The following TMEM132B variants were observed in gnomAD, a reference collection of about 807,000 sequenced individuals.
TMEM132B encodes the protein transmembrane protein 132B.
In TMEM132B, 18 loss-of-function variants were observed where a neutral mutation model predicts 90.8. That is an observed-to-expected ratio of 0.20 (90% CI 0.14 to 0.29). The LOEUF (loss-of-function observed/expected upper bound fraction) is 0.29. Among genes scored for constraint, TMEM132B ranks in the 10% least tolerant of loss-of-function variants. The probability of loss-of-function intolerance (pLI) is 1.00; values close to 1 mark genes in which losing one functional copy is unlikely to be tolerated. For missense variants in TMEM132B, 1,096 were observed against 1,326.8 expected, an observed-to-expected ratio of 0.83 and a Z score of 2.70; for synonymous variants, 504 against 523.3, an observed-to-expected ratio of 0.96 and a Z score of 0.50.
intron 4 of TMEM132B, among the ~76,000 whole-genome samples, chr12:125,529,116 A>G (rs1883578181): frequency 6.7e-6 from 1 of 148,948 alleles, no homozygotes; most frequent in Admixed American, 6.7e-5. Flanking sequence ...ATAAAGCCTC[A>G]CTCTGTTGCC....
In TMEM132B at chr12:125,299,891, A is replaced by C. The variant is rs113105673; in HGVS notation, c.68-49561A>C. Among the ~76,000 whole-genome samples the C allele has an allele frequency of 3.6e-3, 553 of 152,254 alleles. 6 individuals carry two copies. Among genetic ancestry groups the C allele is most frequent in the African/African-American group, 0.013 (527 of 41,554 alleles). On this transcript the variant is annotated intron_variant, in intron 1 of 8. Coordinates refer to ENST00000682704, the MANE Select transcript of TMEM132B (RefSeq NM_001366854.1). ...CCACACAGAGCTTGTGGGGTTCTGT[A>C]AGTTGTCAATCAGATTATGCCATTT... is the stretch of plus-strand genomic sequence containing the variant.
At chr12:125,595,046 C>T (rs1308992552) in intron 5 of TMEM132B, among the ~76,000 whole-genome samples, 2 of 149,876 alleles carry the variant, frequency 1.3e-5, no homozygotes, top group African/African-American at 4.9e-5. Flanking sequence ...TCAGCCTTTC[C>T]TTAGAGTCAA....
At chr12:125,402,956 G>A (rs1879361012) in intron 2 of TMEM132B, among the ~76,000 whole-genome samples, 1 of 152,058 alleles carries the variant, frequency 6.6e-6, no homozygotes, top group African/African-American at 2.4e-5. Flanking sequence ...TTTCTTCACA[G>A]CAGGCTGGGA....
chr12:125,282,156 C>T (rs563815564), intron 1 of TMEM132B, among the ~76,000 whole-genome samples: 1 of 151,154 alleles, frequency 6.6e-6, no homozygotes, highest in South Asian at 2.1e-4. Context: ...CATTTGCCAT[C>T]CTTGGTTTGG....
intron 3 of TMEM132B, among the ~76,000 whole-genome samples, chr12:125,418,505 T>C (rs565980452): frequency 6.6e-6 from 1 of 152,344 alleles, no homozygotes; most frequent in Non-Finnish European, 1.5e-5. Flanking sequence ...AAATAATTGC[T>C]TCTTTTTATC....
intron 5 of TMEM132B, chr12:125,622,592 T>A: frequency 1.0e-6 from 1 of 985,534 alleles, no homozygotes; most frequent in Non-Finnish European, 1.2e-6. Flanking sequence ...TGTGTTCTTA[T>A]TTGCTGGGTC....
intron 3 of TMEM132B, among the ~76,000 whole-genome samples, chr12:125,488,099 T>C (rs908287520): frequency 1.4e-4 from 21 of 152,202 alleles, no homozygotes; most frequent in Non-Finnish European, 1.5e-4. Context: ...ATGCAAAAGC[T>C]CTTAGCACAG....
chr12:125,211,235 C>A (rs994039735), intron 1 of TMEM132B, among the ~76,000 whole-genome samples: 1 of 152,044 alleles, frequency 6.6e-6, no homozygotes, highest in African/African-American at 2.4e-5. Context: ...GGAACAGGCT[C>A]GACTGTGATT....
Position 125,544,871 on chromosome 12 carries a change from A to G in TMEM132B, c.1293+25246A>G, listed in dbSNP as rs182326899. 2.6e-5 allele frequency among the ~76,000 whole-genome samples: 4 copies of G among 152,332 alleles called. No individual in the cohort carries two copies. In the East Asian group the frequency reaches 7.7e-4, roughly 29 times the overall value. On this transcript the variant is annotated intron_variant, in intron 4 of 8. Transcript: ENST00000682704. Reference sequence around the variant, plus strand: ...CTTGGCGTTGCTGTGAATGTGAAATAATATAGTAAGTGTTGAATATCTAGC... The same window carrying G: ...CTTGGCGTTGCTGTGAATGTGAAATGATATAGTAAGTGTTGAATATCTAGC...
chr12:125,269,216 G>T (rs1245116189), intron 1 of TMEM132B, among the ~76,000 whole-genome samples: 1 of 152,182 alleles, frequency 6.6e-6, no homozygotes, highest in Non-Finnish European at 1.5e-5. Flanking sequence ...CCTGAGCATT[G>T]CCAGTGACTC....
chr12:125,477,414 C>T (rs1452245183), intron 3 of TMEM132B, among the ~76,000 whole-genome samples: 2 of 152,140 alleles, frequency 1.3e-5, no homozygotes, highest in Non-Finnish European at 2.9e-5. Flanking sequence ...CAATCCACCC[C>T]TTTCCTTATG....
intron 2 of TMEM132B, among the ~76,000 whole-genome samples, chr12:125,400,458 C>T (rs906395705): frequency 1.3e-5 from 2 of 152,212 alleles, no homozygotes; most frequent in Admixed American, 6.5e-5. Context: ...GTTTATCCAT[C>T]AGGATGGCTC....
intron 1 of TMEM132B, among the ~76,000 whole-genome samples, chr12:125,196,019 G>T (rs1227512151): frequency 6.6e-6 from 1 of 152,158 alleles, no homozygotes; most frequent in Admixed American, 6.5e-5. Flanking sequence ...GGAGCTGTTG[G>T]CAGGTTAGAG....
intron 4 of TMEM132B, among the ~76,000 whole-genome samples, chr12:125,524,212 AT>A (rs1566062966): frequency 6.6e-6 from 1 of 152,270 alleles, no homozygotes; most frequent in East Asian, 1.9e-4. Flanking sequence ...AAACTGAGCC[AT>A]AAAAAATATG....
chr12:125,405,324 C>T (rs553381134), intron 2 of TMEM132B, among the ~76,000 whole-genome samples: 3 of 152,298 alleles, frequency 2.0e-5, no homozygotes, highest in Admixed American at 2.0e-4. Flanking sequence ...CCCTGTCTGT[C>T]TCTTATAAAG....
At chr12:125,565,563 G>T (rs374960574) in intron 4 of TMEM132B, among the ~76,000 whole-genome samples, 2 of 152,314 alleles carry the variant, frequency 1.3e-5, no homozygotes, top group East Asian at 3.9e-4. Flanking sequence ...TGAATGTGAG[G>T]GTTTTATTGA....
At chr12:125,482,572 G>A (rs1358791044) in intron 3 of TMEM132B, among the ~76,000 whole-genome samples, 2 of 152,138 alleles carry the variant, frequency 1.3e-5, no homozygotes, top group Admixed American at 6.5e-5. Flanking sequence ...TTAGAATGGC[G>A]ATCATTAAAA....
intron 1 of TMEM132B, among the ~76,000 whole-genome samples, chr12:125,281,482 C>T (rs1875173435): frequency 6.6e-6 from 1 of 152,174 alleles, no homozygotes; most frequent in Admixed American, 6.5e-5. Flanking sequence ...AATCAGTTTT[C>T]CCCTCTTGCT....
intron 1 of TMEM132B, among the ~76,000 whole-genome samples, chr12:125,312,174 C>T (rs1876139810): frequency 6.6e-6 from 1 of 152,228 alleles, no homozygotes; most frequent in Non-Finnish European, 1.5e-5. Context: ...ATAGACTCTC[C>T]ATATGCTCCA....
Sources: allele counts gnomAD v4.1 joint callset (sites outside exome capture counted in the v4.1 genomes callset), GRCh38; gene constraint gnomAD v4.1.1; transcripts MANE v1.5; gene names NCBI Gene and HGNC (gene_info 2026-07-23, HGNC 2026-07-21).